Variants in TSGA10IP observed in about 807,000 individuals in gnomAD.
The protein encoded by TSGA10IP is testis specific 10 interacting protein.
A neutral mutation model predicts 63.2 loss-of-function variants in TSGA10IP; 64 were observed. That is an observed-to-expected ratio of 1.01 (90% CI 0.83 to 1.25). The LOEUF (loss-of-function observed/expected upper bound fraction) is 1.25, where lower values mean the gene tolerates loss of function less well. TSGA10IP is among the 50% of genes most tolerant of loss of function. The probability of loss-of-function intolerance (pLI) is 0.00; values close to 1 mark genes in which losing one functional copy is unlikely to be tolerated. For missense variants in TSGA10IP, 681 were observed against 710.1 expected, an observed-to-expected ratio of 0.96 and a Z score of 0.47; for synonymous variants, 316 against 298.3, an observed-to-expected ratio of 1.06 and a Z score of -0.61.
intron 7 of TSGA10IP, 106 bp from the exon 8 acceptor site, chr11:65,959,711 A>C: frequency 7.0e-7 from 1 of 1,437,866 alleles, no homozygotes; most frequent in African/African-American, 1.4e-5. Context: ...CCAGGATCAC[A>C]CAGCAAGCCG....
At chr11:65,945,902 A>C in intron 1 of TSGA10IP, 80 bp downstream of exon 1, 1 of 1,512,634 alleles carries the variant, frequency 6.6e-7, no homozygotes, top group Non-Finnish European at 9.0e-7. Flanking sequence ...GAGGCCCTTG[A>C]GAAGCCACAA....
chr11:65,953,982 T>A (rs1385833568), intron 5 of TSGA10IP, among the ~76,000 whole-genome samples: 1 of 152,198 alleles, frequency 6.6e-6, no homozygotes, highest in Non-Finnish European at 1.5e-5. Flanking sequence ...ACATGTATGA[T>A]CACACTTTCA....
rs199784761 is a variant in TSGA10IP, at chr11:65,947,482, C to G, written c.657C>G (p.Ser219Arg). The G allele has an allele frequency of 6.1e-4, 977 of 1,613,152 alleles. No individual in the cohort carries two copies. The highest frequency in any genetic ancestry group is 8.2e-4 in the Middle Eastern group (5 of 6,078). ...CCGACAAGCAGGTCCAGCTGCAAAG[C>G]CTGGGTGCTGAGGAGGCCGAGAGGG... The change falls in exon 3 of 8, where the codon AGC becomes AGG. Residue 219 changes from serine (S) to arginine (R), a missense_variant. By Grantham distance (110) the Ser-to-Arg change is moderately radical (BLOSUM62 -1). Coordinates refer to ENST00000532620, the Ensembl canonical transcript of TSGA10IP.
At chr11:65,947,361 G>A in exon 3 of TSGA10IP, 1 of 1,612,126 alleles carries the variant, frequency 6.2e-7, no homozygotes, top group Non-Finnish European at 8.5e-7. Flanking sequence ...GGAGCCTGGG[G>A]CGGTGTCTCC....
intron 5 of TSGA10IP, among the ~76,000 whole-genome samples, chr11:65,957,570 C>T (rs1373026009): frequency 3.3e-5 from 5 of 152,206 alleles, no homozygotes; most frequent in Non-Finnish European, 5.9e-5. Flanking sequence ...ACTTGTGTTC[C>T]GGGCCATGGG....
intron 5 of TSGA10IP, among the ~76,000 whole-genome samples, chr11:65,954,174 T>C (rs1444589147): frequency 1.3e-5 from 2 of 151,720 alleles, no homozygotes; most frequent in Non-Finnish European, 2.9e-5. Flanking sequence ...TTTCCTTTTT[T>C]TTTTTTTTTG....
chr11:65,959,603 G>A (rs965740341), intron 7 of TSGA10IP, among the ~76,000 whole-genome samples: 3 of 152,198 alleles, frequency 2.0e-5, no homozygotes, highest in Non-Finnish European at 2.9e-5. Flanking sequence ...GCACCACCAC[G>A]CTGGTCACCC....
intron 4 of TSGA10IP, among the ~76,000 whole-genome samples, chr11:65,948,771 C>T (rs748214558): frequency 2.6e-5 from 4 of 151,934 alleles, no homozygotes; most frequent in Non-Finnish European, 4.4e-5. Flanking sequence ...CTCAAGAGTT[C>T]GAGACCAGCC....
intron 5 of TSGA10IP, among the ~76,000 whole-genome samples, chr11:65,955,000 G>A (rs1281470314): frequency 6.6e-6 from 1 of 152,180 alleles, no homozygotes; most frequent in African/African-American, 2.4e-5. Flanking sequence ...GCTCCAACAC[G>A]CATCACATGT....
At chr11:65,947,938 G>T in intron 3 of TSGA10IP, 63 bp from the exon 4 acceptor site, 1 of 1,525,760 alleles carries the variant, frequency 6.6e-7, no homozygotes, top group Non-Finnish European at 8.8e-7. Flanking sequence ...TGGGTGCTGG[G>T]GGGCGTTGCC....
At chr11:65,952,975 C>T (rs1225757394) in intron 4 of TSGA10IP, among the ~76,000 whole-genome samples, 3 of 151,004 alleles carry the variant, frequency 2.0e-5, no homozygotes, top group Non-Finnish European at 4.4e-5. Flanking sequence ...ATAATATGGA[C>T]ATTTTAACAA....
At chr11:65,947,721 T>A in exon 3 of TSGA10IP, 1 of 1,594,874 alleles carries the variant, frequency 6.3e-7, no homozygotes, top group Non-Finnish European at 8.5e-7. Context: ...AGCCCCAGCT[T>A]CAACAACCTC....
chr11:65,947,858 C>T (rs1181143965), intron 3 of TSGA10IP, 30 bp downstream of exon 3: 4 of 1,523,668 alleles, frequency 2.6e-6, no homozygotes. Context: ...CCTGGATTCC[C>T]CCGAAGCTAC....
chr11:65,957,962 T>G (rs1399451176), intron 5 of TSGA10IP, among the ~76,000 whole-genome samples: 1 of 152,222 alleles, frequency 6.6e-6, no homozygotes, highest in Non-Finnish European at 1.5e-5. Context: ...AACTGGGTTT[T>G]GGGTTTTTTG....
At chr11:65,947,158 C>G in exon 3 of TSGA10IP, 1 of 1,611,444 alleles carries the variant, frequency 6.2e-7, no homozygotes, top group Non-Finnish European at 8.5e-7. Context: ...TCCAGTGGGC[C>G]TGGGAGAGCA....
At chr11:65,950,028 T>C (rs1237642371) in intron 4 of TSGA10IP, among the ~76,000 whole-genome samples, 1 of 151,418 alleles carries the variant, frequency 6.6e-6, no homozygotes, top group Non-Finnish European at 1.5e-5. Context: ...AATTTTTGTA[T>C]TTTTAATAGA....
intron 5 of TSGA10IP, among the ~76,000 whole-genome samples, chr11:65,956,888 T>C (rs892269275): frequency 6.6e-6 from 1 of 151,316 alleles, no homozygotes; most frequent in Non-Finnish European, 1.5e-5. Flanking sequence ...AAGTGGCAGG[T>C]GCAGCAAAAA....
At chr11:65,950,501 C>A (rs891757585) in intron 4 of TSGA10IP, among the ~76,000 whole-genome samples, 1 of 151,898 alleles carries the variant, frequency 6.6e-6, no homozygotes, top group East Asian at 1.9e-4. Flanking sequence ...CTCAAGTGAT[C>A]CTCCCACTTC....
At chr11:65,948,140 A>C in exon 4 of TSGA10IP, 2 of 1,603,694 alleles carry the variant, frequency 1.2e-6, no homozygotes, top group Non-Finnish European at 1.7e-6. Context: ...AACGACAGGA[A>C]GCCACCAGGT....
Sources: allele counts gnomAD v4.1 joint callset (sites outside exome capture counted in the v4.1 genomes callset), GRCh38; gene constraint gnomAD v4.1.1; transcripts MANE v1.5; gene names NCBI Gene and HGNC (gene_info 2026-07-23, HGNC 2026-07-21).